The following ANO1 variants were observed in gnomAD, a reference collection of about 807,000 sequenced individuals.
The protein encoded by ANO1 is anoctamin 1.
ANO1 carries 59 observed loss-of-function variants against 124.0 expected under a neutral mutation model. The ratio of observed to expected loss-of-function variants is 0.48; its 90% CI spans 0.39 to 0.59. The LOEUF is 0.59. ANO1 is among the 20% of genes least tolerant of loss of function. The pLI, the probability that ANO1 is intolerant of heterozygous loss-of-function variation, is 0.00. For synonymous variants in ANO1, 529 were observed against 532.0 expected (o/e 0.99, Z 0.08); for missense variants, 1,059 against 1,328.0 (o/e 0.80, Z 3.15).
At chr11:70,096,354 G>A (rs1465728871) in intron 2 of ANO1, among the ~76,000 whole-genome samples, 2 of 152,080 alleles carry the variant, frequency 1.3e-5, no homozygotes, top group Non-Finnish European at 2.9e-5. Flanking sequence ...CCTCTGCTGG[G>A]CACCCGTATC....
At chr11:70,081,226 A>G (rs1344543244) in intron 1 of ANO1, among the ~76,000 whole-genome samples, 9 of 152,138 alleles carry the variant, frequency 5.9e-5, no homozygotes, top group Non-Finnish European at 1.3e-4. Context: ...GTTGAATGCA[A>G]TTTGTTTCCA....
chr11:70,125,861 G>C (rs867883643), intron 9 of ANO1, among the ~76,000 whole-genome samples, 200 bp from the exon 10 acceptor site: 1 of 149,886 alleles, frequency 6.7e-6, no homozygotes, highest in Non-Finnish European at 1.5e-5. Context: ...AACAAAAAAA[G>C]AGAGAAGAGG....
intron 1 of ANO1, among the ~76,000 whole-genome samples, chr11:70,010,163 G>GCA (rs1856567986): frequency 2.1e-5 from 1 of 48,240 alleles, no homozygotes; most frequent in African/African-American, 7.2e-5. Context: ...GTGTGTGTGT[G>GCA]TGCGCGTGTG....
At chr11:70,107,508 GT>G (rs1233561676) in intron 5 of ANO1, among the ~76,000 whole-genome samples, 3 of 144,182 alleles carry the variant, frequency 2.1e-5, no homozygotes, top group African/African-American at 5.1e-5. Flanking sequence ...CGGGGAAGCG[GT>G]CAGATGGCCT....
intron 15 of ANO1, 148 bp from the exon 16 acceptor site, chr11:70,156,799 T>G (rs2047833553): frequency 3.0e-6 from 2 of 664,956 alleles, no homozygotes; most frequent in African/African-American, 3.6e-5. Flanking sequence ...GCTCATCACC[T>G]GTGGGCATTT....
At chr11:70,100,010 G>A (rs2515242) in intron 2 of ANO1, among the ~76,000 whole-genome samples, 16,621 of 152,126 alleles carry the variant, frequency 0.11, 1,466 homozygotes, top group East Asian at 0.37. Flanking sequence ...CTCAGAGGGA[G>A]CCCAAACCCA....
At chr11:70,067,116 AAGGGCCCCCCACAGAGCAAGGTCTGT>A (rs2135128040) in intron 1 of ANO1, among the ~76,000 whole-genome samples, 1 of 152,226 alleles carries the variant, frequency 6.6e-6, no homozygotes, top group African/African-American at 2.4e-5. Flanking sequence ...AGCAGTCATG[AAGGGCCCCCCACAGAGCAAGGTCTGT>A]ACTGGCCACC....
At chr11:70,172,721 T>C (rs1488694965) in intron 22 of ANO1, among the ~76,000 whole-genome samples, 1 of 151,856 alleles carries the variant, frequency 6.6e-6, no homozygotes, top group Admixed American at 6.6e-5. Context: ...AATACAAAAT[T>C]AGCCAGGTGT....
chr11:70,009,484 C>CA (rs1400321108), intron 1 of ANO1, among the ~76,000 whole-genome samples: 1 of 152,198 alleles, frequency 6.6e-6, no homozygotes, highest in Admixed American at 6.5e-5. Flanking sequence ...TCTCCATCCT[C>CA]ATGTGGGTCC....
intron 4 of ANO1, among the ~76,000 whole-genome samples, chr11:70,105,177 C>T (rs907389034): frequency 1.3e-5 from 2 of 152,134 alleles, no homozygotes; most frequent in African/African-American, 2.4e-5. Flanking sequence ...TGGAAACTGG[C>T]CCAGCCGCCC....
chr11:70,037,286 G>A (rs1857111287), intron 1 of ANO1, among the ~76,000 whole-genome samples: 1 of 152,120 alleles, frequency 6.6e-6, no homozygotes, highest in African/African-American at 2.4e-5. Flanking sequence ...GCAGGTGGGG[G>A]TTTGGAATTG....
Position 70,089,996 on chromosome 11 carries a change from TTTGTTTGTTTG to T in ANO1, c.441+1915_441+1925del, listed in dbSNP as rs1565188205. Among the ~76,000 whole-genome samples, 982 of 151,254 alleles carry T rather than the reference TTTGTTTGTTTG, an allele frequency of 6.5e-3. 12 individuals are homozygous for T. Among genetic ancestry groups the T allele is most frequent in the African/African-American group, 0.018 (749 of 41,056 alleles). ...TGTCTCATCTGTTCCCCAGGGTTTG[TTTGTTTGTTTG>T]TTTGTTTGTTTGTTTGTTTGTTTGT... On this transcript the variant is annotated intron_variant, in intron 2 of 25. Transcript: ENST00000355303.
At chr11:70,165,408 C>A in intron 19 of ANO1, 62 bp from the exon 20 acceptor site, 4 of 1,421,070 alleles carry the variant, frequency 2.8e-6, no homozygotes, top group Non-Finnish European at 9.7e-7. Context: ...GGCCTCCCTG[C>A]AGGGCTGGGG....
Position 69,986,447 on chromosome 11 carries a change from C to A in ANO1, c.58+281C>A, listed in dbSNP as rs574738928. ...GCTGGGCTGGGGCTGGGGGCGCCGC[C>A]GGGCAGGGGCCCCTGCGCGGCCCCT... On this transcript the variant is annotated intron_variant, in intron 1 of 27. Coordinates refer to the ANO1 transcript ENST00000531349. 2.0e-5 allele frequency among the ~76,000 whole-genome samples: 3 copies of A among 152,186 alleles called. No individual in the cohort carries two copies. In the South Asian group the frequency reaches 6.2e-4, roughly 32 times the overall value.
intron 1 of ANO1, chr11:70,085,296 A>G: frequency 7.6e-7 from 1 of 1,312,568 alleles, no homozygotes; most frequent in Non-Finnish European, 1.0e-6. Flanking sequence ...ACTGCCCTCA[A>G]AAGCCAGCCC....
Position 70,078,605 on chromosome 11 carries a change from C to A in ANO1, c.-2C>A, listed in dbSNP as rs750127844. 1.0e-5 allele frequency: 15 copies of A among 1,481,258 alleles called. No individual in the cohort carries two copies. In the South Asian group the frequency reaches 1.8e-4, roughly 18 times the overall value. 91.8% of individuals were successfully genotyped at this position (1,481,258 alleles called of 1,614,324 possible). On this transcript the variant is annotated 5_prime_UTR_variant, in exon 1 of 26. Transcript: ENST00000355303. ...GGCGGTCCCAGCGCACAGGCGGCCA[C>A]GATGAGGGTCAACGAGAAGTACTCG...
chr11:70,009,398 T>C lies in ANO1; in HGVS notation c.58+23232T>C, dbSNP rs1231221419. Among the ~76,000 whole-genome samples, 2 of 152,162 alleles carry C rather than the reference T, an allele frequency of 1.3e-5. 1 individual carries two copies. ...TCCATGACTGGAGTCCCTGGTGGCATCACCTGGGGCCTCTGACATCTGCTG... is the reference window on the plus strand; with the variant it reads ...TCCATGACTGGAGTCCCTGGTGGCACCACCTGGGGCCTCTGACATCTGCTG... On this transcript the variant is annotated intron_variant, in intron 1 of 27. Coordinates refer to the ANO1 transcript ENST00000531349.
intron 2 of ANO1, among the ~76,000 whole-genome samples, chr11:70,098,972 G>A (rs1209812193): frequency 2.0e-5 from 3 of 152,158 alleles, no homozygotes; most frequent in African/African-American, 4.8e-5. Context: ...GGTTTCCGCC[G>A]GCATAGTTAG....
chr11:70,059,942 G>A (rs1277377607), intron 1 of ANO1, among the ~76,000 whole-genome samples: 2 of 147,710 alleles, frequency 1.4e-5, no homozygotes, highest in Non-Finnish European at 3.0e-5. Context: ...GGGTGTGGAG[G>A]CGTTGGCCTT....
Sources: gnomAD v4.1 joint callset for allele counts (sites outside exome capture counted in the v4.1 genomes callset) on GRCh38, gnomAD v4.1.1 for gene constraint, MANE v1.5 for transcripts, NCBI Gene and HGNC (gene_info 2026-07-23, HGNC 2026-07-21) for gene names.